Variants in ZNF726 observed in about 807,000 individuals in gnomAD.
ZNF726 encodes zinc finger protein 92 pseudogene 3.
In ZNF726, 15 loss-of-function variants were observed where a neutral mutation model predicts 11.6. The observed-to-expected ratio is 1.29, with a 90% CI of 0.86 to 1.99. The LOEUF (loss-of-function observed/expected upper bound fraction) is 1.99, where lower values mean the gene tolerates loss of function less well. Ranked by LOEUF, ZNF726 falls within the 30% of genes most tolerant of loss-of-function variation. The pLI is 0.00. For synonymous variants in ZNF726, 295 were observed against 243.6 expected (o/e 1.21, Z -1.96); for missense variants, 890 against 725.6 (o/e 1.23, Z -2.60).
Position 23,920,009 on chromosome 19 carries a change from C to G in ZNF726, c.153C>G (p.Asp51Glu). ...AFLGIAVSKP[D>E]LIICLEKEKE... is the part of the protein sequence containing the mutation. Reference sequence around the variant, plus strand: ...CAGGTATTGCTGTCTCTAAGCCAGACCTCATCATCTGTCTGGAGAAAGAAA... The same window carrying G: ...CAGGTATTGCTGTCTCTAAGCCAGAGCTCATCATCTGTCTGGAGAAAGAAA... Residue 51 changes from aspartate (D) to glutamate (E), a missense_variant, in exon 3 of 4, where the codon GAC (aspartate) becomes GAG (glutamate). Transcript: ENST00000594466. The G allele has an allele frequency of 6.3e-7, 1 of 1,586,048 alleles. No individual in the cohort carries two copies. Among genetic ancestry groups the G allele is most frequent in the Non-Finnish European group, 8.6e-7 (1 of 1,163,882 alleles).
intron 1 of ZNF726, among the ~76,000 whole-genome samples, chr19:23,915,379 C>T (rs1456946449): frequency 6.6e-6 from 1 of 151,980 alleles, no homozygotes; most frequent in Non-Finnish European, 1.5e-5. Flanking sequence ...GCCATTTTTT[C>T]CTATTAAAAA....
chr19:23,943,586 T>A, exon 4 of ZNF726: 1 of 634,076 alleles, frequency 1.6e-6, no homozygotes, highest in Non-Finnish European at 2.9e-6. Context: ...AGTCAAATAC[T>A]CAGGTAGGTA....
intron 1 of ZNF726, 128 bp from the exon 2 acceptor site, chr19:23,919,245 T>C: frequency 7.1e-7 from 1 of 1,414,814 alleles, no homozygotes; most frequent in Non-Finnish European, 9.5e-7. Flanking sequence ...AATTATTTTA[T>C]TGGATAATTT....
At chr19:23,928,221 C>T (rs954937913) in intron 3 of ZNF726, 7 of 152,208 alleles carry the variant, frequency 4.6e-5, no homozygotes, top group African/African-American at 1.7e-4. Context: ...GATGCTGGCA[C>T]ACTTTCTACA....
intron 4 of ZNF726, chr19:23,943,664 G>A: frequency 2.1e-6 from 1 of 483,776 alleles, no homozygotes; most frequent in South Asian, 4.2e-5. Context: ...ACTTTAAAAT[G>A]TGATATGGGA....
chr19:23,927,542 AGT>A (rs1398985960), intron 3 of ZNF726, among the ~76,000 whole-genome samples: 2 of 152,032 alleles, frequency 1.3e-5, no homozygotes, highest in Admixed American at 6.6e-5. Context: ...CCCAGGCTGG[AGT>A]GTACTGGCAT....
At chr19:23,936,707 ACTT>A (rs1298710627), downstream of ZNF726, among the ~76,000 whole-genome samples, 1 of 144,028 alleles carries the variant, frequency 6.9e-6, no homozygotes, top group Non-Finnish European at 1.5e-5. Flanking sequence ...TGAAAGAAAA[ACTT>A]TTTTTTTTTC....
Position 23,933,334 on chromosome 19 carries a change from T to C in ZNF726, c.1218T>C (p.Phe406=). 6.2e-7 allele frequency: 1 copy of C among 1,613,076 alleles called. No individual in the cohort carries two copies. Among genetic ancestry groups the C allele is most frequent in the Non-Finnish European group, 8.5e-7 (1 of 1,179,872 alleles). ...PYKCEECGKA[F]HRSSNLTKHK... ...AATGTGAAGAATGTGGCAAAGCTTTTCATCGATCCTCAAATCTTACTAAAC... is the reference window on the plus strand; with the variant it reads ...AATGTGAAGAATGTGGCAAAGCTTTCCATCGATCCTCAAATCTTACTAAAC... Residue 406 remains phenylalanine, a synonymous_variant, in exon 4 of 4, where the codon TTT becomes TTC. Transcript: ENST00000594466.
chr19:23,929,732 T>C (rs1392324867), intron 3 of ZNF726, among the ~76,000 whole-genome samples: 9 of 152,354 alleles, frequency 5.9e-5, no homozygotes. Flanking sequence ...TATACCTCTA[T>C]ATTTTTCAGT....
rs1568372104 is a variant in ZNF726, at chr19:23,914,984, G to A, written c.-11G>A. ...CTGTGGCCCTGTGACCTGCCCCCTG[G>A]AAGCCTAGAAATGGTGAGAGTGCCG... On this transcript the variant is annotated 5_prime_UTR_variant, in exon 1 of 4. Transcript: ENST00000594466. 3.7e-6 allele frequency: 6 copies of A among 1,613,728 alleles called. No individual in the cohort carries two copies. The highest frequency in any genetic ancestry group is 5.1e-6 in the Non-Finnish European group (6 of 1,179,988).
intron 1 of ZNF726, among the ~76,000 whole-genome samples, chr19:23,918,886 A>G (rs912221113): frequency 1.3e-5 from 2 of 152,144 alleles, no homozygotes; most frequent in African/African-American, 4.8e-5. Flanking sequence ...TTGCATTACT[A>G]ATGAGCTTGA....
downstream of ZNF726, chr19:23,934,551 C>T: frequency 2.8e-6 from 1 of 356,884 alleles, no homozygotes; most frequent in South Asian, 2.2e-5. Flanking sequence ...TCAGAATTTT[C>T]ATACAGTCTT....
At chr19:23,925,312 T>C (rs1339993073) in intron 3 of ZNF726, among the ~76,000 whole-genome samples, 1 of 152,212 alleles carries the variant, frequency 6.6e-6, no homozygotes, top group Non-Finnish European at 1.5e-5. Flanking sequence ...TATAACATTA[T>C]AAAATAATTG....
rs1432577848 is a variant in ZNF726, at chr19:23,934,277, A to T, written c.*310A>T. 2 of 652,502 alleles carry T rather than the reference A, an allele frequency of 3.1e-6. No individual in the cohort carries two copies. Among genetic ancestry groups the T allele is most frequent in the South Asian group, 2.8e-5 (2 of 71,616 alleles). 40.4% of individuals were successfully genotyped at this position (652,502 alleles called of 1,614,324 possible). On this transcript the variant is annotated 3_prime_UTR_variant, in exon 4 of 4. Coordinates refer to ENST00000594466, the MANE Select transcript of ZNF726 (RefSeq NM_001244038.2). ...GTCCACACCCCTAAGTAGACATAAG[A>T]GGATGCACACTGGAGAGAAACCTTA...
downstream of ZNF726, among the ~76,000 whole-genome samples, chr19:23,937,082 G>A (rs1372124721): frequency 1.4e-5 from 2 of 144,214 alleles, no homozygotes; most frequent in African/African-American, 5.1e-5. Context: ...TGGCCGGGCG[G>A]GGGGCTGACC....
chr19:23,936,117 A>G (rs536738239), downstream of ZNF726: 2 of 152,216 alleles, frequency 1.3e-5, no homozygotes, highest in African/African-American at 4.8e-5. Flanking sequence ...TTTTTCAAAA[A>G]CTACAAATTA....
In ZNF726 at chr19:23,933,243, A is replaced by G; in HGVS notation, c.1127A>G (p.Lys376Arg). 3 of 1,613,322 alleles carry G rather than the reference A, an allele frequency of 1.9e-6. No homozygotes were observed. Among genetic ancestry groups the G allele is most frequent in the Non-Finnish European group, 1.7e-6 (2 of 1,179,990 alleles). Residue 376 changes from lysine (K) to arginine (R), a missense_variant, in exon 4 of 4, where the codon AAA becomes AGA. By Grantham distance (26) the Lys-to-Arg change is conservative. Transcript: ENST00000594466. ...CCCTACAAATGTGAAGAATGTGGCAAAGCATTTATATGGCCCTCAACCCTA... is the reference window on the plus strand; with the variant it reads ...CCCTACAAATGTGAAGAATGTGGCAGAGCATTTATATGGCCCTCAACCCTA... ...EKPYKCEECG[K>R]AFIWPSTLTK...
chr19:23,935,763 G>A (rs1968220045), downstream of ZNF726: 2 of 174,556 alleles, frequency 1.1e-5, no homozygotes, highest in South Asian at 1.4e-4. Flanking sequence ...GCACCGGTAA[G>A]CATTTATATT....
At chr19:23,944,516 A>C (rs2145009397) in intron 4 of ZNF726, 1 of 152,810 alleles carries the variant, frequency 6.5e-6, no homozygotes, top group East Asian at 1.9e-4. Flanking sequence ...ATTCTTTATT[A>C]TTATGATATT....
Sources: allele counts gnomAD v4.1 joint callset (sites outside exome capture counted in the v4.1 genomes callset), GRCh38; gene constraint gnomAD v4.1.1; transcripts MANE v1.5; gene names NCBI Gene and HGNC (gene_info 2026-07-23, HGNC 2026-07-21).